CAMTA1: variants seen among roughly 807,000 people sequenced by gnomAD.
CAMTA1 encodes calmodulin-binding transcription activator 1.
A neutral mutation model predicts 170.9 loss-of-function variants in CAMTA1; 27 were observed. The observed-to-expected ratio is 0.16, with a 90% CI of 0.12 to 0.22. The LOEUF (loss-of-function observed/expected upper bound fraction) is 0.22, where lower values mean the gene tolerates loss of function less well. Ranked by LOEUF, CAMTA1 falls within the 10% of genes least tolerant of loss-of-function variation. The pLI, the probability that CAMTA1 is intolerant of heterozygous loss-of-function variation, is 1.00. For synonymous variants in CAMTA1, 833 were observed against 891.5 expected (o/e 0.93, Z 1.17); for missense variants, 1,619 against 2,217.2 (o/e 0.73, Z 5.42).
At chr1:6,849,996 C>A (rs1296053545) in intron 3 of CAMTA1, among the ~76,000 whole-genome samples, 1 of 145,266 alleles carries the variant, frequency 6.9e-6, no homozygotes, top group South Asian at 2.2e-4. Flanking sequence ...GATCATGCAA[C>A]TGCAATCCAA....
At chr1:7,557,567 G>A (rs1487702436) in intron 6 of CAMTA1, among the ~76,000 whole-genome samples, 2 of 152,202 alleles carry the variant, frequency 1.3e-5, no homozygotes, top group Non-Finnish European at 2.9e-5. Flanking sequence ...AATTTTCATT[G>A]CTTCTAAAAG....
At chr1:7,472,533 C>T (rs187102674) in intron 6 of CAMTA1, among the ~76,000 whole-genome samples, 127 of 152,222 alleles carry the variant, frequency 8.3e-4, no homozygotes, top group Middle Eastern at 6.8e-3. Context: ...CGCTGCCCTC[C>T]GCTGCCTCCC....
In CAMTA1 at chr1:7,464,993, C is replaced by T. The variant is rs144002347; in HGVS notation, c.439-2837C>T. Among the ~76,000 whole-genome samples the T allele has an allele frequency of 3.8e-4, 58 of 152,278 alleles. 1 individual carries two copies. Among genetic ancestry groups the T allele is most frequent in the African/African-American group, 1.1e-3 (45 of 41,566 alleles). Reference sequence around the variant, plus strand: ...CTTTCCCCACTTGGACAGCAAAGCGCGACTCCACACAAGTCTGCTTTCCTT... The same window carrying T: ...CTTTCCCCACTTGGACAGCAAAGCGTGACTCCACACAAGTCTGCTTTCCTT... On this transcript the variant is annotated intron_variant, in intron 5 of 22. Transcript: ENST00000303635.
At chr1:7,171,440 G>A (rs745715313) in intron 4 of CAMTA1, among the ~76,000 whole-genome samples, 5 of 152,040 alleles carry the variant, frequency 3.3e-5, no homozygotes, top group African/African-American at 7.3e-5. Context: ...CTCCTATTAC[G>A]ATTATTTGTT....
rs74950143 is a variant in CAMTA1 at position 7,463,061 on chromosome 1, G to A, written c.439-4769G>A. 0.015 allele frequency among the ~76,000 whole-genome samples: 2,358 copies of A among 152,304 alleles called. 78 individuals are homozygous for A. Among genetic ancestry groups the A allele is most frequent in the African/African-American group, 0.054 (2,251 of 41,552 alleles). Reference sequence around the variant, plus strand: ...TGTCCTGGTGAATGGCACTGTGTGCGGCAGAGCCTATAGGTGGGCACATAA... The same window carrying A: ...TGTCCTGGTGAATGGCACTGTGTGCAGCAGAGCCTATAGGTGGGCACATAA... On this transcript the variant is annotated intron_variant, in intron 5 of 22. Transcript: ENST00000303635. This position sits in a 1 kb window ranked among gnomAD's most constrained non-coding sequence, Gnocchi z 4.7.
chr1:7,707,497 T>C (rs2096535824), intron 11 of CAMTA1, among the ~76,000 whole-genome samples: 1 of 152,126 alleles, frequency 6.6e-6, no homozygotes, highest in African/African-American at 2.4e-5. Context: ...CACCTCAGTC[T>C]CCTGGGTAGC....
At chr1:7,527,795 C>T (rs1484709276) in intron 6 of CAMTA1, among the ~76,000 whole-genome samples, 1 of 152,208 alleles carries the variant, frequency 6.6e-6, no homozygotes, top group Non-Finnish European at 1.5e-5. Flanking sequence ...GGGAGCCCCA[C>T]AAGTGGCTGC....
At chr1:7,740,921 GT>G (rs1558270420) in intron 16 of CAMTA1, among the ~76,000 whole-genome samples, 1 of 152,110 alleles carries the variant, frequency 6.6e-6, no homozygotes, top group Non-Finnish European at 1.5e-5. Context: ...TCTAAAGAAA[GT>G]TTTTTAGCCA....
At position 7,628,917 on chromosome 1, in the gene CAMTA1, C is replaced by T. The variant is rs1230677971; in HGVS notation, c.511-11483C>T. On this transcript the variant is annotated intron_variant, in intron 6 of 22. Transcript: ENST00000303635. ...CAGGAGGCCAGAGGTATGGTGACTG[C>T]AGCCCTCTGAGACCTGATTGCCCAG... 5.9e-5 allele frequency among the ~76,000 whole-genome samples: 9 copies of T among 152,336 alleles called. No homozygotes were observed. The East Asian group carries it at 1.4e-3, about 23-fold the overall frequency.
intron 3 of CAMTA1, among the ~76,000 whole-genome samples, chr1:7,027,860 T>C (rs748439171): frequency 6.6e-6 from 1 of 152,162 alleles, no homozygotes; most frequent in Non-Finnish European, 1.5e-5. Flanking sequence ...AATGCTTAGA[T>C]GTTCTTTTAC....
chr1:6,939,982 G>A (rs1307748337), intron 3 of CAMTA1, among the ~76,000 whole-genome samples: 1 of 152,272 alleles, frequency 6.6e-6, no homozygotes, highest in African/African-American at 2.4e-5. Flanking sequence ...TGGACTGTGA[G>A]CTCCTCCAGG....
At chr1:7,517,360 A>C (rs2094300535) in intron 6 of CAMTA1, among the ~76,000 whole-genome samples, 1 of 152,200 alleles carries the variant, frequency 6.6e-6, no homozygotes, top group Admixed American at 6.5e-5. Context: ...TTCTACCTGC[A>C]ACCTTGGCCA....
At chr1:7,312,052 C>T (rs1295424852) in intron 5 of CAMTA1, among the ~76,000 whole-genome samples, 1 of 152,092 alleles carries the variant, frequency 6.6e-6, no homozygotes, top group Non-Finnish European at 1.5e-5. Flanking sequence ...GTCATCTGGC[C>T]ATAAAGCTGG....
At chr1:6,930,569 C>T (rs1043715468) in intron 3 of CAMTA1, among the ~76,000 whole-genome samples, 4 of 152,164 alleles carry the variant, frequency 2.6e-5, no homozygotes, top group African/African-American at 7.2e-5. Context: ...GTTAGGGGTT[C>T]GGCCCTCATC....
At chr1:7,172,372 A>G (rs895924671) in intron 4 of CAMTA1, among the ~76,000 whole-genome samples, 9 of 151,542 alleles carry the variant, frequency 5.9e-5, no homozygotes, top group Non-Finnish European at 1.2e-4. Flanking sequence ...CTGCTCTTGG[A>G]CTCCTGAGCT....
At chr1:7,105,623 G>C (rs146110761) in intron 4 of CAMTA1, among the ~76,000 whole-genome samples, 1 of 152,304 alleles carries the variant, frequency 6.6e-6, no homozygotes, top group African/African-American at 2.4e-5. Flanking sequence ...GAATGATAAG[G>C]TGCATATGCC....
intron 4 of CAMTA1, among the ~76,000 whole-genome samples, chr1:7,220,519 T>C (rs971786785): frequency 6.6e-6 from 1 of 151,980 alleles, no homozygotes; most frequent in African/African-American, 2.4e-5. Flanking sequence ...ACAGCTTCTG[T>C]CTCCTCCGAG....
intron 5 of CAMTA1, among the ~76,000 whole-genome samples, chr1:7,297,290 G>A (rs529351313): frequency 8.8e-4 from 134 of 152,334 alleles, no homozygotes; most frequent in African/African-American, 3.2e-3. Context: ...ATTACTGGCA[G>A]ATCCTCTTGG....
At chr1:7,338,084 T>C (rs1233649179) in intron 5 of CAMTA1, among the ~76,000 whole-genome samples, 2 of 152,052 alleles carry the variant, frequency 1.3e-5, no homozygotes, top group Non-Finnish European at 2.9e-5. Context: ...TATTGTCCTA[T>C]TGGTTCTTTT....
Sources: allele counts gnomAD v4.1 joint callset (sites outside exome capture counted in the v4.1 genomes callset), GRCh38; gene constraint gnomAD v4.1.1; non-coding constraint Gnocchi (gnomAD v3.1); transcripts MANE v1.5; gene names NCBI Gene and HGNC (gene_info 2026-07-23, HGNC 2026-07-21).